SLC8A1: variants seen among roughly 807,000 people sequenced by gnomAD.
SLC8A1 encodes solute carrier family 8 member A1, also known as sodium/calcium exchanger 1.
A neutral mutation model predicts 68.3 loss-of-function variants in SLC8A1; 18 were observed. The observed-to-expected ratio is 0.26, with a 90% CI of 0.18 to 0.39. The LOEUF (loss-of-function observed/expected upper bound fraction) is 0.39. Ranked by LOEUF, SLC8A1 falls within the 10% of genes least tolerant of loss-of-function variation. The pLI, the probability that SLC8A1 is intolerant of heterozygous loss-of-function variation, is 1.00. For missense variants in SLC8A1, 985 were observed against 1,156.7 expected, an observed-to-expected ratio of 0.85 and a Z score of 2.15; for synonymous variants, 475 against 415.5, an observed-to-expected ratio of 1.14 and a Z score of -1.74.
intron 1 of SLC8A1, among the ~76,000 whole-genome samples, chr2:40,461,891 A>C (rs1399820296): frequency 6.6e-6 from 1 of 152,066 alleles, no homozygotes; most frequent in Non-Finnish European, 1.5e-5. Flanking sequence ...TCGTTATAAG[A>C]AATCTAGTGT....
intron 4 of SLC8A1, among the ~76,000 whole-genome samples, chr2:40,166,835 G>T (rs1275686063): frequency 6.6e-6 from 1 of 152,214 alleles, no homozygotes; most frequent in African/African-American, 2.4e-5. Flanking sequence ...GCTGAACATG[G>T]ATGAGTTGAA....
chr2:40,166,454 G>A (rs1056426066), intron 4 of SLC8A1, among the ~76,000 whole-genome samples: 1 of 152,174 alleles, frequency 6.6e-6, no homozygotes, highest in African/African-American at 2.4e-5. Flanking sequence ...AGATTACAGG[G>A]CACCAAATAA....
intron 2 of SLC8A1, among the ~76,000 whole-genome samples, chr2:40,266,153 T>C (rs1282981629): frequency 6.6e-6 from 1 of 152,208 alleles, no homozygotes; most frequent in Non-Finnish European, 1.5e-5. Context: ...AGTTGAAATA[T>C]GTGTGCATTT....
At chr2:40,178,931 A>G (rs1036202817) in intron 2 of SLC8A1, among the ~76,000 whole-genome samples, 3 of 152,240 alleles carry the variant, frequency 2.0e-5, no homozygotes, top group African/African-American at 7.2e-5. Context: ...TCTCTGAGCA[A>G]TTGGCTTACA....
chr2:40,375,434 A>G (rs1361064700), intron 2 of SLC8A1, among the ~76,000 whole-genome samples: 1 of 152,128 alleles, frequency 6.6e-6, no homozygotes, highest in East Asian at 1.9e-4. Context: ...TCCAATTAGT[A>G]AAGTGCAGCT....
At chr2:40,248,396 A>G (rs2062200409) in intron 2 of SLC8A1, among the ~76,000 whole-genome samples, 1 of 152,118 alleles carries the variant, frequency 6.6e-6, no homozygotes, top group African/African-American at 2.4e-5. Context: ...GTGCCCTTAT[A>G]AAAGAGGCCC....
At chr2:40,180,564 A>G (rs1358825163) in intron 2 of SLC8A1, among the ~76,000 whole-genome samples, 1 of 152,214 alleles carries the variant, frequency 6.6e-6, no homozygotes, top group Admixed American at 6.5e-5. Context: ...GATGGACAAT[A>G]ATAGGGCCAC....
chr2:40,114,123 A>C (rs1270878629), exon 8 of SLC8A1: 1 of 152,772 alleles, frequency 6.5e-6, no homozygotes, highest in Non-Finnish European at 1.5e-5. Context: ...ATACTCTACT[A>C]TATACAGATA....
chr2:40,175,966 T>C (rs1202330667), intron 3 of SLC8A1: 5 of 450,374 alleles, frequency 1.1e-5, no homozygotes, highest in East Asian at 7.1e-5. Flanking sequence ...TTCTGTACAT[T>C]ATTAGATAAC....
At chr2:40,281,716 A>G (rs1337206922) in intron 2 of SLC8A1, among the ~76,000 whole-genome samples, 1 of 152,218 alleles carries the variant, frequency 6.6e-6, no homozygotes, top group Non-Finnish European at 1.5e-5. Context: ...AAGACCCATC[A>G]TTTAAAACTG....
chr2:40,403,630 A>G (rs1177478495), intron 2 of SLC8A1, among the ~76,000 whole-genome samples: 2 of 152,226 alleles, frequency 1.3e-5, no homozygotes, highest in Non-Finnish European at 2.9e-5. Context: ...AGTCTGGAAG[A>G]CCTTGCAGTT....
intron 1 of SLC8A1, among the ~76,000 whole-genome samples, chr2:40,442,131 A>G (rs1349204135): frequency 1.3e-4 from 19 of 151,516 alleles, no homozygotes; most frequent in Admixed American, 1.2e-3. Flanking sequence ...GCACACCAGC[A>G]TGGCACATGT....
intron 2 of SLC8A1, among the ~76,000 whole-genome samples, chr2:40,199,919 T>C (rs1037510395): frequency 6.6e-6 from 1 of 151,276 alleles, no homozygotes; most frequent in South Asian, 2.1e-4. Context: ...CTGATAGAGA[T>C]TGACACAGAC....
At chr2:40,472,157 T>C (rs764970653) in intron 1 of SLC8A1, among the ~76,000 whole-genome samples, 2 of 152,206 alleles carry the variant, frequency 1.3e-5, no homozygotes, top group Non-Finnish European at 2.9e-5. Flanking sequence ...ATGTCCACTT[T>C]ATATGACAAC....
intron 1 of SLC8A1, among the ~76,000 whole-genome samples, chr2:40,487,892 T>G (rs1029234232): frequency 6.6e-6 from 1 of 152,152 alleles, no homozygotes; most frequent in Non-Finnish European, 1.5e-5. Context: ...GTAAGTAAAT[T>G]GTTCATGGAC....
rs547206492 is a variant in SLC8A1 at position 40,394,249 on chromosome 2, C to T, written c.1808+34224G>A. 9.2e-5 allele frequency among the ~76,000 whole-genome samples: 14 copies of T among 152,212 alleles called. No individual in the cohort carries two copies. In the South Asian group the frequency reaches 2.5e-3, roughly 27 times the overall value. On this transcript the variant is annotated intron_variant, in intron 2 of 7. Transcript: ENST00000406785. ...TCCAACACGGTTGCAACATGTTACG[C>T]AAACACCTGCATTTTGTGGGGTGGG...
chr2:40,458,502 T>C (rs1306009247), intron 1 of SLC8A1, among the ~76,000 whole-genome samples: 2 of 152,098 alleles, frequency 1.3e-5, no homozygotes, highest in Non-Finnish European at 2.9e-5. Flanking sequence ...GGTAAACTCT[T>C]TGGCCTCTCT....
At chr2:40,262,659 C>T (rs573429637) in intron 2 of SLC8A1, among the ~76,000 whole-genome samples, 1 of 152,256 alleles carries the variant, frequency 6.6e-6, no homozygotes, top group East Asian at 1.9e-4. Context: ...CCTAATTGCA[C>T]TAGGAACTGT....
chr2:40,215,326 C>T (rs935437413), intron 2 of SLC8A1, among the ~76,000 whole-genome samples: 1 of 151,938 alleles, frequency 6.6e-6, no homozygotes, highest in African/African-American at 2.4e-5. Flanking sequence ...CTGCTATGCC[C>T]AACTAATTTT....
Sources: gnomAD v4.1 joint callset for allele counts (sites outside exome capture counted in the v4.1 genomes callset) on GRCh38, gnomAD v4.1.1 for gene constraint, MANE v1.5 for transcripts, NCBI Gene and HGNC (gene_info 2026-07-23, HGNC 2026-07-21) for gene names.